Variants in RDX observed in about 807,000 individuals in gnomAD.
RDX encodes the protein radixin.
In RDX, 32 loss-of-function variants were observed where a neutral mutation model predicts 83.7. The ratio of observed to expected loss-of-function variants is 0.38; its 90% CI spans 0.29 to 0.51. The LOEUF (loss-of-function observed/expected upper bound fraction) is 0.51, where lower values mean the gene tolerates loss of function less well. RDX is among the 20% of genes least tolerant of loss of function. The pLI, the probability that RDX is intolerant of heterozygous loss-of-function variation, is 0.87. For synonymous variants in RDX, 229 were observed against 222.7 expected, an observed-to-expected ratio of 1.03 and a Z score of -0.25; for missense variants, 600 against 689.9, an observed-to-expected ratio of 0.87 and a Z score of 1.46.
intron 14 of RDX, among the ~76,000 whole-genome samples, chr11:110,215,449 T>G (rs1006702080): frequency 6.6e-6 from 1 of 151,636 alleles, no homozygotes; most frequent in East Asian, 1.9e-4. Context: ...CAAGAGTAAA[T>G]CATATATTTC....
At chr11:110,291,170 T>A (rs1299459921) in intron 1 of RDX, among the ~76,000 whole-genome samples, 1 of 151,894 alleles carries the variant, frequency 6.6e-6, no homozygotes, top group Non-Finnish European at 1.5e-5. Context: ...CTAAAAAAAA[T>A]TAAAATCAGC....
At chr11:110,206,354 A>C (rs1022651010) in intron 14 of RDX, among the ~76,000 whole-genome samples, 1 of 152,182 alleles carries the variant, frequency 6.6e-6, no homozygotes. Context: ...ACAGCAGTGA[A>C]AATGAACCAC....
intron 15 of RDX, among the ~76,000 whole-genome samples, chr11:110,191,254 T>G (rs1863098573): frequency 6.6e-6 from 1 of 152,246 alleles, no homozygotes; most frequent in Non-Finnish European, 1.5e-5. Flanking sequence ...ATTACTGGGA[T>G]GCAAGGCTGG....
intron 1 of RDX, among the ~76,000 whole-genome samples, chr11:110,281,439 C>T (rs1448597140): frequency 6.6e-6 from 1 of 151,824 alleles, no homozygotes; most frequent in Non-Finnish European, 1.5e-5. Context: ...AAGCGATTCT[C>T]CTGCTTCAGC....
At chr11:110,262,216 C>T (rs1859834911) in intron 5 of RDX, among the ~76,000 whole-genome samples, 1 of 152,102 alleles carries the variant, frequency 6.6e-6, no homozygotes, top group African/African-American at 2.4e-5. Flanking sequence ...TGGTGAACAA[C>T]TTACATAATT....
intron 14 of RDX, among the ~76,000 whole-genome samples, chr11:110,209,281 G>C (rs374453344): frequency 6.6e-6 from 1 of 152,006 alleles, no homozygotes; most frequent in South Asian, 2.1e-4. Context: ...CTTTTCCGAC[G>C]GGCTTAAAAA....
At chr11:110,252,024 T>TA (rs1188514332) in intron 9 of RDX, among the ~76,000 whole-genome samples, 1 of 152,200 alleles carries the variant, frequency 6.6e-6, no homozygotes, top group Non-Finnish European at 1.5e-5. Context: ...TTTCCACACA[T>TA]ACAGCTGCCA....
intron 14 of RDX, among the ~76,000 whole-genome samples, chr11:110,219,752 G>C (rs1864182133): frequency 6.6e-6 from 1 of 152,180 alleles, no homozygotes; most frequent in African/African-American, 2.4e-5. Context: ...AAGGAGGGAA[G>C]ATCTTGAGTT....
At chr11:110,278,470 G>C (rs932680812) in intron 2 of RDX, among the ~76,000 whole-genome samples, 3 of 152,008 alleles carry the variant, frequency 2.0e-5, no homozygotes, top group Non-Finnish European at 4.4e-5. Context: ...TTTCAGTGTA[G>C]AGATCTTGCA....
At chr11:110,226,286 T>C (rs530236515), downstream of RDX, among the ~76,000 whole-genome samples, 4 of 152,154 alleles carry the variant, frequency 2.6e-5, no homozygotes, top group African/African-American at 4.8e-5. Context: ...CAATGGAATA[T>C]TGCTTAGCCT....
intron 5 of RDX, among the ~76,000 whole-genome samples, 193 bp downstream of exon 5, chr11:110,263,767 C>T (rs977396906): frequency 6.6e-5 from 10 of 150,820 alleles, no homozygotes; most frequent in Non-Finnish European, 8.8e-5. Flanking sequence ...ACTCAGGAGG[C>T]TGAGGTGGAA....
intron 14 of RDX, among the ~76,000 whole-genome samples, chr11:110,206,302 A>T (rs1421498628): frequency 6.6e-6 from 1 of 151,374 alleles, no homozygotes; most frequent in Non-Finnish European, 1.5e-5. Flanking sequence ...AATGTCCACC[A>T]TTGGGGGAAC....
chr11:110,220,718 G>A (rs577555146), intron 14 of RDX, among the ~76,000 whole-genome samples: 121 of 151,922 alleles, frequency 8.0e-4, no homozygotes, highest in African/African-American at 2.7e-3. Context: ...GGCTGGTCTC[G>A]AACTCCTGAC....
intron 3 of RDX, among the ~76,000 whole-genome samples, chr11:110,265,499 A>AATATAT (rs5794684): frequency 3.4e-5 from 5 of 147,468 alleles, no homozygotes; most frequent in African/African-American, 9.9e-5. Flanking sequence ...GAGTCTTGAA[A>AATATAT]ATATATATAT....
chr11:110,193,246 C>T (rs900026612), intron 15 of RDX, among the ~76,000 whole-genome samples: 13 of 152,142 alleles, frequency 8.5e-5, no homozygotes, highest in African/African-American at 2.9e-4. Flanking sequence ...GGCCATTATC[C>T]TAAGCAAATT....
rs1008636567 is a variant in RDX at position 110,209,171 on chromosome 11, C to T, written c.1749-9493G>A. On this transcript the variant is annotated intron_variant, in intron 14 of 15. Coordinates refer to the RDX transcript ENST00000528498. ...TGAAGCAGGGCGAGGCATTGCCTCACTTGGGAAGCCCAAGAGGTCAGGGAG... is the reference window on the plus strand; with the variant it reads ...TGAAGCAGGGCGAGGCATTGCCTCATTTGGGAAGCCCAAGAGGTCAGGGAG... Among the ~76,000 whole-genome samples the T allele has an allele frequency of 2.0e-5, 3 of 152,138 alleles. No individual in the cohort carries two copies. The East Asian group carries it at 5.8e-4, about 29-fold the overall frequency.
intron 14 of RDX, among the ~76,000 whole-genome samples, chr11:110,215,298 G>A (rs959349544): frequency 2.7e-5 from 4 of 150,438 alleles, no homozygotes; most frequent in African/African-American, 9.7e-5. Context: ...GGGAGGCAGA[G>A]GTTGCAGTGA....
intron 3 of RDX, among the ~76,000 whole-genome samples, chr11:110,272,154 A>G (rs768510539): frequency 8.5e-5 from 13 of 152,190 alleles, no homozygotes; most frequent in Non-Finnish European, 1.5e-4. Flanking sequence ...AGCATTTTGG[A>G]TAAGAGATGC....
At chr11:110,258,691 G>A (rs1288422667) in intron 5 of RDX, among the ~76,000 whole-genome samples, 2 of 151,874 alleles carry the variant, frequency 1.3e-5, no homozygotes, top group African/African-American at 2.4e-5. Flanking sequence ...CAGAATTCTT[G>A]GGCCCTAATT....
Sources: allele counts gnomAD v4.1 joint callset (sites outside exome capture counted in the v4.1 genomes callset), GRCh38; gene constraint gnomAD v4.1.1; transcripts MANE v1.5; gene names NCBI Gene and HGNC (gene_info 2026-07-23, HGNC 2026-07-21).